GPATCH1: variants seen among roughly 807,000 people sequenced by gnomAD.
GPATCH1 encodes G-patch domain containing 1.
GPATCH1 carries 73 observed loss-of-function variants against 114.9 expected under a neutral mutation model. That is an observed-to-expected ratio of 0.64 (90% CI 0.53 to 0.77). GPATCH1 has a LOEUF of 0.77. Among genes scored for constraint, GPATCH1 ranks in the 30% least tolerant of loss-of-function variants. GPATCH1 has a pLI of 0.00. For missense variants in GPATCH1, 1,058 were observed against 1,144.3 expected (o/e 0.92, Z 1.09); for synonymous variants, 391 against 428.4 (o/e 0.91, Z 1.08).
intron 9 of GPATCH1, among the ~76,000 whole-genome samples, chr19:33,103,585 C>A (rs1407185979): frequency 6.6e-6 from 1 of 152,004 alleles, no homozygotes; most frequent in Non-Finnish European, 1.5e-5. Flanking sequence ...TCTGTAAACC[C>A]AGCTACTTGG....
In GPATCH1 at chr19:33,096,412, T is replaced by G. The variant is rs774789609; in HGVS notation, c.818T>G (p.Leu273Arg). The G allele has an allele frequency of 2.5e-6, 4 of 1,612,376 alleles. No individual in the cohort carries two copies. The East Asian group carries it at 6.7e-5, about 27-fold the overall frequency. The change falls in exon 7 of 20, where the codon CTG becomes CGG. Residue 273 changes from leucine (L) to arginine (R), a missense_variant. Coordinates refer to ENST00000170564, the MANE Select transcript of GPATCH1 (RefSeq NM_018025.3). The part of the protein sequence containing the change: ...ERAGDLGEIG[L>R]NKGRKLGISG... ...GCTGGCGATCTTGGAGAAATTGGACTGAATAAAGGAAGAAAATTGGGAATT... is the reference window on the plus strand; with the variant it reads ...GCTGGCGATCTTGGAGAAATTGGACGGAATAAAGGAAGAAAATTGGGAATT...
intron 7 of GPATCH1, among the ~76,000 whole-genome samples, chr19:33,097,280 C>G (rs1341403295): frequency 6.6e-6 from 1 of 151,996 alleles, no homozygotes; most frequent in Non-Finnish European, 1.5e-5. Flanking sequence ...TTTTTTCAGT[C>G]TTTTAAACAA....
chr19:33,082,128 GTGGT>G (rs1972485118), intron 1 of GPATCH1, among the ~76,000 whole-genome samples: 1 of 151,984 alleles, frequency 6.6e-6, no homozygotes, highest in Non-Finnish European at 1.5e-5. Flanking sequence ...TGGGACAGCA[GTGGT>G]GGTGGTGTGT....
intron 1 of GPATCH1, among the ~76,000 whole-genome samples, chr19:33,085,385 A>G (rs1027183395): frequency 6.6e-5 from 10 of 152,014 alleles, no homozygotes; most frequent in Admixed American, 2.0e-4. Context: ...ATGCCCGGCT[A>G]ATTTTAAACA....
intron 9 of GPATCH1, 53 bp downstream of exon 9, chr19:33,101,627 T>A: frequency 6.8e-6 from 6 of 877,568 alleles, no homozygotes; most frequent in Non-Finnish European, 1.9e-6. Flanking sequence ...CTTAAAATAT[T>A]TGCTGCTATG....
In GPATCH1 at chr19:33,116,821, G is replaced by T. The variant is rs551181120; in HGVS notation, c.2197-1004G>T. Among the ~76,000 whole-genome samples the T allele has an allele frequency of 1.1e-4, 16 of 152,186 alleles. 2 individuals carry two copies. In the South Asian group the frequency reaches 3.3e-3, roughly 32 times the overall value. ...TGGGATTACAGGCGTGAGCCACTGC[G>T]CATGGCCAATTTTTTTTTAAATTAA... On this transcript the variant is annotated intron_variant, in intron 15 of 19. Coordinates refer to ENST00000170564, the MANE Select transcript of GPATCH1 (RefSeq NM_018025.3).
At chr19:33,093,809 C>G (rs541147565) in intron 4 of GPATCH1, among the ~76,000 whole-genome samples, 18 of 152,336 alleles carry the variant, frequency 1.2e-4, no homozygotes, top group Admixed American at 2.6e-4. Flanking sequence ...CTCTGTCTGC[C>G]TCCTTCTACC....
In GPATCH1 at chr19:33,090,771, T is replaced by G; in HGVS notation, c.209-9T>G. The G allele has an allele frequency of 6.3e-7, 1 of 1,593,870 alleles. No individual in the cohort carries two copies. Among genetic ancestry groups the G allele is most frequent in the Non-Finnish European group, 8.6e-7 (1 of 1,161,914 alleles). On this transcript the variant is annotated splice_polypyrimidine_tract_variant and intron_variant, in intron 2 of 19. Transcript: ENST00000170564. The stretch of plus-strand genomic sequence containing the variant: ...AGGATTGTAAAGTTCTAAACTCTTT[T>G]TTTTTCAGGATGGACACCCTCTACC...
intron 5 of GPATCH1, among the ~76,000 whole-genome samples, chr19:33,095,555 GC>G (rs1972647319): frequency 6.6e-6 from 1 of 151,524 alleles, no homozygotes; most frequent in Non-Finnish European, 1.5e-5. Context: ...GAGCCGCTGC[GC>G]CCAGCCTTTT....
At chr19:33,081,312 G>C in intron 1 of GPATCH1, 46 bp downstream of exon 1, 2 of 1,475,166 alleles carry the variant, frequency 1.4e-6, no homozygotes, top group Non-Finnish European at 1.9e-6. Flanking sequence ...ACAGGCCAAG[G>C]GCCCAGGATT....
intron 1 of GPATCH1, among the ~76,000 whole-genome samples, chr19:33,086,149 G>T (rs1200103120): frequency 6.6e-6 from 1 of 152,190 alleles, no homozygotes; most frequent in Non-Finnish European, 1.5e-5. Flanking sequence ...CACAAAATAT[G>T]CTGAGATTGA....
intron 19 of GPATCH1, among the ~76,000 whole-genome samples, chr19:33,129,922 C>T (rs191114138): frequency 3.5e-4 from 48 of 137,726 alleles, no homozygotes; most frequent in African/African-American, 1.2e-3. Context: ...CCAGCCTGGG[C>T]GACAAAAGTG....
At chr19:33,094,120 T>A (rs1194426977) in intron 4 of GPATCH1, 52 bp from the exon 5 acceptor site, 2 of 981,208 alleles carry the variant, frequency 2.0e-6, no homozygotes, top group African/African-American at 3.2e-5. Context: ...TATTTCATAT[T>A]CTTTGTTAAT....
intron 2 of GPATCH1, among the ~76,000 whole-genome samples, chr19:33,089,729 T>C (rs915728802): frequency 8.7e-5 from 13 of 149,546 alleles, no homozygotes; most frequent in Admixed American, 8.1e-4. Flanking sequence ...CAAGCAATTC[T>C]CCTGCCTCAG....
rs1360619913 is a variant in GPATCH1 at position 33,120,134 on chromosome 19, ATATT to A, written c.2521+1020_2521+1023del. Among the ~76,000 whole-genome samples, 5 of 140,460 alleles carry A rather than the reference ATATT, an allele frequency of 3.6e-5. No individual in the cohort carries two copies. The Admixed American group carries it at 3.7e-4, about 10-fold the overall frequency. 92.1% of individuals were successfully genotyped at this position (140,460 alleles called of 152,430 possible). ...ACTTAATTTAAATATATTTCTAAAT[ATATT>A]TAAATAAAATATGTAAATATTTAAA... is the stretch of plus-strand genomic sequence containing the variant. On this transcript the variant is annotated intron_variant, in intron 17 of 19. Coordinates refer to ENST00000170564, the MANE Select transcript of GPATCH1 (RefSeq NM_018025.3).
At position 33,101,659 on chromosome 19, in the gene GPATCH1, C is replaced by T. The variant is rs886405862; in HGVS notation, c.1080+85C>T. ...TATGTGATCTGAGTTCTATTAACAA[C>T]AGGAAAGATAAGTAAATTCTGTTTT... is the stretch of plus-strand genomic sequence containing the variant. On this transcript the variant is annotated intron_variant, in intron 9 of 19. Coordinates refer to ENST00000170564, the MANE Select transcript of GPATCH1 (RefSeq NM_018025.3). 7.2e-6 allele frequency: 5 copies of T among 693,220 alleles called. No individual in the cohort carries two copies. In the African/African-American group the frequency reaches 9.0e-5, roughly 13 times the overall value. 42.9% of individuals were successfully genotyped at this position (693,220 alleles called of 1,614,324 possible). A position where few individuals can be genotyped will look rare whatever the true frequency, so the allele number is the denominator to read the frequency against.
intron 16 of GPATCH1, 41 bp from the exon 17 acceptor site, chr19:33,118,969 A>G: frequency 1.6e-6 from 2 of 1,213,296 alleles, no homozygotes; most frequent in Non-Finnish European, 2.4e-6. Flanking sequence ...AGACATTAAC[A>G]TGGGGCAGAC....
At chr19:33,125,054 T>C (rs768712753) in intron 17 of GPATCH1, 51 bp from the exon 18 acceptor site, 1 of 1,551,888 alleles carries the variant, frequency 6.4e-7, no homozygotes, top group Admixed American at 2.0e-5. Context: ...TTTTGGATAG[T>C]CTTTGTTTTC....
chr19:33,124,552 G>A (rs1235013085), intron 17 of GPATCH1, among the ~76,000 whole-genome samples: 1 of 152,172 alleles, frequency 6.6e-6, no homozygotes, highest in African/African-American at 2.4e-5. Flanking sequence ...TTTTTGTAGA[G>A]AGAGGAGGAT....
Sources: gnomAD v4.1 joint callset for allele counts (sites outside exome capture counted in the v4.1 genomes callset) on GRCh38, gnomAD v4.1.1 for gene constraint, MANE v1.5 for transcripts, NCBI Gene and HGNC (gene_info 2026-07-23, HGNC 2026-07-21) for gene names.